MARCHF11: variants seen among roughly 807,000 people sequenced by gnomAD.
MARCHF11 encodes the protein E3 ubiquitin-protein ligase MARCHF11.
A neutral mutation model predicts 37.3 loss-of-function variants in MARCHF11; 29 were observed. The ratio of observed to expected loss-of-function variants is 0.78; its 90% CI spans 0.58 to 1.06. The LOEUF (loss-of-function observed/expected upper bound fraction) is 1.06. MARCHF11 is among the 50% of genes least tolerant of loss of function. The probability of loss-of-function intolerance (pLI) is 0.00; values close to 1 mark genes in which losing one functional copy is unlikely to be tolerated. For missense variants in MARCHF11, 482 were observed against 533.4 expected, an observed-to-expected ratio of 0.90 and a Z score of 0.95; for synonymous variants, 233 against 228.0, an observed-to-expected ratio of 1.02 and a Z score of -0.20.
intron 3 of MARCHF11, among the ~76,000 whole-genome samples, chr5:16,081,329 G>A (rs990719484): frequency 6.6e-6 from 1 of 152,168 alleles, no homozygotes; most frequent in African/African-American, 2.4e-5. Context: ...TTCATTCACT[G>A]TCACAACTTC....
intron 2 of MARCHF11, among the ~76,000 whole-genome samples, chr5:16,123,594 T>G (rs773736271): frequency 2.0e-5 from 3 of 152,164 alleles, no homozygotes; most frequent in Non-Finnish European, 2.9e-5. Context: ...CTTAAGAGTT[T>G]TATTTTATAG....
intron 3 of MARCHF11, among the ~76,000 whole-genome samples, chr5:16,080,270 T>C (rs1256753173): frequency 6.6e-6 from 1 of 152,182 alleles, no homozygotes; most frequent in Non-Finnish European, 1.5e-5. Flanking sequence ...CTGGCACTGT[T>C]GGCCACTTGC....
At chr5:16,131,005 C>T (rs1440492984) in intron 2 of MARCHF11, among the ~76,000 whole-genome samples, 2 of 152,080 alleles carry the variant, frequency 1.3e-5, no homozygotes, top group East Asian at 1.9e-4. Context: ...TTTACACGTG[C>T]CTTTAAATAT....
chr5:16,152,091 C>T (rs759251545), intron 2 of MARCHF11, among the ~76,000 whole-genome samples: 3 of 151,842 alleles, frequency 2.0e-5, no homozygotes, highest in African/African-American at 4.8e-5. Flanking sequence ...TCATTAAGAA[C>T]GAAAAGGTTT....
intron 2 of MARCHF11, among the ~76,000 whole-genome samples, chr5:16,132,577 C>T (rs567948078): frequency 6.6e-6 from 1 of 152,132 alleles, no homozygotes; most frequent in African/African-American, 2.4e-5. Context: ...GACAAGCAAA[C>T]AAGGGGTTGT....
intron 2 of MARCHF11, among the ~76,000 whole-genome samples, chr5:16,127,367 G>A (rs776495648): frequency 2.5e-4 from 38 of 152,252 alleles, no homozygotes; most frequent in South Asian, 6.2e-4. Flanking sequence ...CCTCTCCCTC[G>A]TGGTGACCTT....
chr5:16,085,579 G>A (rs188098837), intron 3 of MARCHF11, among the ~76,000 whole-genome samples: 16 of 135,406 alleles, frequency 1.2e-4, no homozygotes, highest in African/African-American at 3.9e-4. Context: ...CATATGTATC[G>A]GTGGGTGGGG....
intron 2 of MARCHF11, among the ~76,000 whole-genome samples, chr5:16,155,159 C>T (rs571997880): frequency 3.2e-4 from 48 of 151,862 alleles, no homozygotes; most frequent in African/African-American, 8.7e-4. Flanking sequence ...GAGAGCCATA[C>T]ACACTAACTA....
At chr5:16,165,684 A>G (rs1217253570) in intron 2 of MARCHF11, among the ~76,000 whole-genome samples, 1 of 152,092 alleles carries the variant, frequency 6.6e-6, no homozygotes, top group Admixed American at 6.6e-5. Flanking sequence ...AAATAATCTC[A>G]TCACATCATA....
At chr5:16,176,049 A>G (rs964991927) in intron 2 of MARCHF11, among the ~76,000 whole-genome samples, 2 of 152,124 alleles carry the variant, frequency 1.3e-5, no homozygotes, top group Non-Finnish European at 2.9e-5. Context: ...AGCAAGAGAC[A>G]GTAGTAACCA....
intron 3 of MARCHF11, among the ~76,000 whole-genome samples, chr5:16,070,457 C>T (rs1221858780): frequency 6.6e-6 from 1 of 152,176 alleles, no homozygotes; most frequent in Non-Finnish European, 1.5e-5. Context: ...AATCCCAAAA[C>T]AATTACAGCC....
intron 3 of MARCHF11, among the ~76,000 whole-genome samples, chr5:16,077,670 A>G (rs1736544159): frequency 1.3e-5 from 2 of 152,234 alleles, no homozygotes; most frequent in African/African-American, 4.8e-5. Context: ...TGAAATTTTT[A>G]ACCTAAATAT....
chr5:16,109,633 C>T (rs180869697), intron 2 of MARCHF11, among the ~76,000 whole-genome samples: 4 of 152,314 alleles, frequency 2.6e-5, no homozygotes, highest in Admixed American at 2.0e-4. Context: ...ACCATTCTAG[C>T]TAACAACTGG....
Position 16,067,701 on chromosome 5 carries a change from C to T in MARCHF11, c.979G>A (p.Ala327Thr). ...LHWDVLNYDK[A>T]TDIEESSRGE... ...CGGCTGCTTTCTTCGATGTCTGTGGCTTTGTCATAATTTAACACATCCCAG... is the reference window on the plus strand; with the variant it reads ...CGGCTGCTTTCTTCGATGTCTGTGGTTTTGTCATAATTTAACACATCCCAG... Residue 327 changes from alanine to threonine, a missense_variant, in exon 4 of 4, where the codon GCC (alanine) becomes ACC (threonine). By Grantham distance (58) the Ala-to-Thr change is moderately conservative (BLOSUM62 0). Transcript: ENST00000332432. 6.2e-7 allele frequency: 1 copy of T among 1,613,906 alleles called. No homozygotes were observed. The highest frequency in any genetic ancestry group is 1.1e-5 in the South Asian group (1 of 91,078).
At chr5:16,099,783 T>C (rs1736926557) in intron 2 of MARCHF11, among the ~76,000 whole-genome samples, 1 of 152,208 alleles carries the variant, frequency 6.6e-6, no homozygotes, top group South Asian at 2.1e-4. Context: ...TCTTCAGCTA[T>C]TGGTAACGCA....
At chr5:16,072,382 G>A (rs892575272) in intron 3 of MARCHF11, among the ~76,000 whole-genome samples, 11 of 152,178 alleles carry the variant, frequency 7.2e-5, no homozygotes, top group African/African-American at 2.7e-4. Flanking sequence ...CAGTGTGATG[G>A]TATTTGGAAG....
chr5:16,154,806 C>T (rs1029526483), intron 2 of MARCHF11, among the ~76,000 whole-genome samples: 2 of 151,810 alleles, frequency 1.3e-5, no homozygotes, highest in African/African-American at 4.8e-5. Context: ...ATTTTTATGC[C>T]ACATTCATAA....
At chr5:16,100,483 C>T (rs1301163056) in intron 2 of MARCHF11, among the ~76,000 whole-genome samples, 2 of 152,282 alleles carry the variant, frequency 1.3e-5, no homozygotes, top group East Asian at 1.9e-4. Context: ...ATGAAGGTTT[C>T]GTTATCAAGT....
At chr5:16,150,911 G>C (rs1737878012) in intron 2 of MARCHF11, among the ~76,000 whole-genome samples, 1 of 151,960 alleles carries the variant, frequency 6.6e-6, no homozygotes, top group Non-Finnish European at 1.5e-5. Context: ...TGCTGTTCCT[G>C]CCTCTACACC....
Sources: gnomAD v4.1 joint callset for allele counts (sites outside exome capture counted in the v4.1 genomes callset) on GRCh38, gnomAD v4.1.1 for gene constraint, MANE v1.5 for transcripts, NCBI Gene and HGNC (gene_info 2026-07-23, HGNC 2026-07-21) for gene names.